Variants in RPTOR observed in about 807,000 individuals in gnomAD.
RPTOR encodes regulatory associated protein of MTOR complex 1.
In RPTOR, 21 loss-of-function variants were observed where a neutral mutation model predicts 169.9. The observed-to-expected ratio is 0.12, with a 90% confidence interval of 0.09 to 0.18. The LOEUF (loss-of-function observed/expected upper bound fraction) is 0.18, where lower values mean the gene tolerates loss of function less well. RPTOR is among the 10% of genes least tolerant of loss of function. The pLI, the probability that RPTOR is intolerant of heterozygous loss-of-function variation, is 1.00. For synonymous variants in RPTOR, 732 were observed against 753.2 expected (o/e 0.97, Z 0.46); for missense variants, 1,133 against 1,855.9 (o/e 0.61, Z 7.16).
At chr17:80,682,042 A>T (rs1598217046) in intron 3 of RPTOR, among the ~76,000 whole-genome samples, 1 of 150,566 alleles carries the variant, frequency 6.6e-6, no homozygotes, top group East Asian at 2.0e-4. Flanking sequence ...CCCCCAAAAG[A>T]TTAGCCACAT....
intron 1 of RPTOR, among the ~76,000 whole-genome samples, chr17:80,558,420 G>GT (rs2084437937): frequency 6.6e-6 from 1 of 152,180 alleles, no homozygotes; most frequent in Non-Finnish European, 1.5e-5. Flanking sequence ...CCGAGAACAA[G>GT]TTTGAATTTT....
chr17:80,683,617 C>A (rs141621617), intron 3 of RPTOR, among the ~76,000 whole-genome samples: 19 of 152,072 alleles, frequency 1.2e-4, no homozygotes, highest in Non-Finnish European at 2.5e-4. Context: ...TTCTTCCCTT[C>A]GCCCCCATTC....
chr17:80,668,809 A>G (rs990693150), intron 3 of RPTOR, among the ~76,000 whole-genome samples: 1 of 152,270 alleles, frequency 6.6e-6, no homozygotes, highest in Non-Finnish European at 1.5e-5. Context: ...GTCTCAGGAC[A>G]GCGGCTTGTC....
chr17:80,918,661 C>T (rs1416705264), intron 21 of RPTOR, among the ~76,000 whole-genome samples: 1 of 152,206 alleles, frequency 6.6e-6, no homozygotes, highest in African/African-American at 2.4e-5. Context: ...TAGCTTTCAG[C>T]CAGTGACTTC....
At chr17:80,921,472 T>C (rs1411558903) in intron 21 of RPTOR, among the ~76,000 whole-genome samples, 1 of 152,174 alleles carries the variant, frequency 6.6e-6, no homozygotes, top group Non-Finnish European at 1.5e-5. Context: ...ACCTGGGCCC[T>C]CGCGAGGTCA....
rs1376056670 is a variant in RPTOR, at chr17:80,651,588, G to A, written c.348+7778G>A. 6.6e-6 allele frequency among the ~76,000 whole-genome samples: 1 copy of A among 152,202 alleles called. No homozygotes were observed. The highest frequency in any genetic ancestry group is 6.5e-5 in the Admixed American group (1 of 15,292). ...ATAACGTCAAGTTCACCATTTTAAAGTGTACAACTTGGCTGGGCGCAGTGG... is the reference window on the plus strand; with the variant it reads ...ATAACGTCAAGTTCACCATTTTAAAATGTACAACTTGGCTGGGCGCAGTGG... On this transcript the variant is annotated intron_variant, in intron 3 of 33. Coordinates refer to ENST00000306801, the MANE Select transcript of RPTOR (RefSeq NM_020761.3). The surrounding 1 kb of genome is among the most constrained non-coding windows in gnomAD (Gnocchi z 4.1).
chr17:80,621,215 C>T (rs929153661), intron 1 of RPTOR, among the ~76,000 whole-genome samples: 1 of 152,060 alleles, frequency 6.6e-6, no homozygotes, highest in Non-Finnish European at 1.5e-5. Flanking sequence ...GAGGTGAGGC[C>T]CCTAGCCATC....
At chr17:80,887,540 G>A (rs966616184) in intron 17 of RPTOR, among the ~76,000 whole-genome samples, 8 of 152,186 alleles carry the variant, frequency 5.3e-5, no homozygotes, top group East Asian at 1.9e-4. Flanking sequence ...GCCTGGCGGC[G>A]TGGAGCCGGC....
intron 20 of RPTOR, among the ~76,000 whole-genome samples, chr17:80,899,664 A>G (rs4969297): frequency 0.87 from 132,736 of 152,132 alleles, 58,140 homozygotes; most frequent in African/African-American, 0.93. Context: ...CACTTCCCCA[A>G]CACTGCCAGT....
intron 3 of RPTOR, among the ~76,000 whole-genome samples, chr17:80,650,207 C>A (rs2065629069): frequency 6.6e-6 from 1 of 152,202 alleles, no homozygotes; most frequent in African/African-American, 2.4e-5. Context: ...CCAGAGGGGA[C>A]CCCTGCTGGC....
At position 80,646,409 on chromosome 17, in the gene RPTOR, A is replaced by C. The variant is rs529710418; in HGVS notation, c.348+2599A>C. On this transcript the variant is annotated intron_variant, in intron 3 of 33. Coordinates refer to ENST00000306801, the MANE Select transcript of RPTOR (RefSeq NM_020761.3). The surrounding 1 kb of genome is among the most constrained non-coding windows in gnomAD (Gnocchi z 5.0). ...TAGCACTTGCCCCGGTGCGCGTGGC[A>C]CACTGCTCCTCACAGCTTTCCGTGG... is the stretch of plus-strand genomic sequence containing the variant. Among the ~76,000 whole-genome samples, 5 of 152,280 alleles carry C rather than the reference A, an allele frequency of 3.3e-5. No homozygotes were observed. Among genetic ancestry groups the C allele is most frequent in the African/African-American group, 1.2e-4 (5 of 41,536 alleles).
At chr17:80,963,453 G>A (rs1396783029) in intron 33 of RPTOR, among the ~76,000 whole-genome samples, 3 of 71,058 alleles carry the variant, frequency 4.2e-5, no homozygotes, top group East Asian at 3.8e-4. Flanking sequence ...TCCCCTCTGC[G>A]GCCCTCACCC....
rs568041306 is a variant in RPTOR, at chr17:80,885,040, G to A, written c.1875G>A (p.Thr625=). 36 of 1,609,488 alleles carry A rather than the reference G, an allele frequency of 2.2e-5. 1 individual carries two copies. The East Asian group carries it at 4.2e-4, about 19-fold the overall frequency. ...GCGCAGCGGTCTTCGCCCTTGGCAC[G>A]TTCGTGGGCAACTCTGCAGAGAGGA... ...VRCAAVFALG[T]FVGNSAERTD... Residue 625 remains threonine, a synonymous_variant, in exon 17 of 34, where the codon ACG becomes ACA. Transcript: ENST00000306801.
intron 24 of RPTOR, 139 bp downstream of exon 24, chr17:80,925,619 A>G (rs2068802853): frequency 1.5e-6 from 1 of 671,472 alleles, no homozygotes; most frequent in Admixed American, 2.7e-5. Flanking sequence ...CGGTTGAGGT[A>G]GAACCGCAGA....
chr17:80,700,424 ATGGTGGTGGTTATGATGG>A (rs1567864186), intron 3 of RPTOR, among the ~76,000 whole-genome samples: 1 of 76,948 alleles, frequency 1.3e-5, no homozygotes, highest in Non-Finnish European at 2.8e-5. Flanking sequence ...GGTGATGGTG[ATGGTGGTGGTTATGATGG>A]TGGTGGTGGT....
At chr17:80,893,589 T>C in intron 19 of RPTOR, 118 bp from the exon 20 acceptor site, 1 of 1,335,646 alleles carries the variant, frequency 7.5e-7, no homozygotes, top group Non-Finnish European at 1.0e-6. Context: ...GGTGTGTTTG[T>C]GCCTGGGTGT....
intron 21 of RPTOR, among the ~76,000 whole-genome samples, chr17:80,918,824 C>T (rs192245039): frequency 2.4e-4 from 37 of 152,288 alleles, no homozygotes; most frequent in African/African-American, 8.4e-4. Context: ...GCATCGTCAG[C>T]ACTCGTGTCT....
chr17:80,758,271 G>T (rs72851595), intron 6 of RPTOR, among the ~76,000 whole-genome samples: 24,448 of 152,148 alleles, frequency 0.16, 2,489 homozygotes, highest in Non-Finnish European at 0.22. Flanking sequence ...AGAGAACCAT[G>T]GCTAAGGGCC....
chr17:80,657,953 G>GAAT (rs1471024767), intron 3 of RPTOR, among the ~76,000 whole-genome samples: 13 of 152,096 alleles, frequency 8.5e-5, no homozygotes, highest in African/African-American at 2.7e-4. Context: ...ATGTATCAGA[G>GAAT]AATACATAAG....
Sources: gnomAD v4.1 joint callset for allele counts (sites outside exome capture counted in the v4.1 genomes callset) on GRCh38, gnomAD v4.1.1 for gene constraint, Gnocchi (gnomAD v3.1) non-coding constraint, MANE v1.5 for transcripts, NCBI Gene and HGNC (gene_info 2026-07-23, HGNC 2026-07-21) for gene names.